RTCA: variants seen among roughly 807,000 people sequenced by gnomAD.
RTCA encodes the protein RNA 3'-terminal phosphate cyclase, also known as RNA terminal phosphate cyclase domain 1.
RTCA carries 37 observed loss-of-function variants against 46.1 expected under a neutral mutation model. That is an observed-to-expected ratio of 0.80 (90% CI 0.62 to 1.06). The LOEUF is 1.06. Among genes scored for constraint, RTCA ranks in the 50% least tolerant of loss-of-function variants. RTCA has a pLI of 0.00. For synonymous variants in RTCA, 164 were observed against 158.3 expected (o/e 1.04, Z -0.27); for missense variants, 435 against 455.5 (o/e 0.95, Z 0.41).
intron 9 of RTCA, among the ~76,000 whole-genome samples, chr1:100,286,699 T>G (rs1667051474): frequency 6.6e-6 from 1 of 152,160 alleles, no homozygotes; most frequent in African/African-American, 2.4e-5. Flanking sequence ...CTCCTCCTCC[T>G]TGCCCAGGTC....
rs1666454013 is a variant in RTCA, at chr1:100,277,378, G to A, written c.799+62G>A. The A allele has an allele frequency of 8.7e-6, 12 of 1,386,106 alleles. 1 individual carries two copies. The South Asian group carries it at 1.6e-4, about 19-fold the overall frequency. The allele number at this position is 1,386,106 out of a possible 1,614,324, so 85.9% of individuals were successfully genotyped here. On this transcript the variant is annotated intron_variant, in intron 8 of 10. Coordinates refer to ENST00000370128, the MANE Select transcript of RTCA (RefSeq NM_003729.4). ...TACTGCAGAATTCTTTAATCCATCA[G>A]GATTGGAATGTTATAGAATGATGGA...
chr1:100,280,454 C>T (rs1666646700), intron 8 of RTCA, among the ~76,000 whole-genome samples: 1 of 152,116 alleles, frequency 6.6e-6, no homozygotes, highest in Non-Finnish European at 1.5e-5. Flanking sequence ...GTACACAGTA[C>T]TTATTTTTAG....
At chr1:100,290,249 A>G (rs533421222) in intron 10 of RTCA, among the ~76,000 whole-genome samples, 197 of 152,088 alleles carry the variant, frequency 1.3e-3, no homozygotes, top group African/African-American at 4.7e-3. Flanking sequence ...CACAAACTTA[A>G]CCTATTTAAT....
chr1:100,287,240 A>G, intron 10 of RTCA, 37 bp downstream of exon 10: 1 of 1,468,050 alleles, frequency 6.8e-7, no homozygotes, highest in East Asian at 2.5e-5. Context: ...TGATATTTTG[A>G]TTTTTATTTT....
At chr1:100,289,061 C>T (rs897725775) in intron 10 of RTCA, among the ~76,000 whole-genome samples, 9 of 151,698 alleles carry the variant, frequency 5.9e-5, no homozygotes, top group Admixed American at 1.3e-4. Flanking sequence ...TGGCCTTACG[C>T]GATCTGCCTG....
At chr1:100,277,800 T>TG (rs1316815725) in intron 8 of RTCA, among the ~76,000 whole-genome samples, 1 of 150,804 alleles carries the variant, frequency 6.6e-6, no homozygotes, top group African/African-American at 2.4e-5. Flanking sequence ...AATTTTTTTT[T>TG]TTGGGGGGGG....
At chr1:100,289,060 G>A (rs1036178411) in intron 10 of RTCA, among the ~76,000 whole-genome samples, 4 of 151,894 alleles carry the variant, frequency 2.6e-5, no homozygotes, top group South Asian at 2.1e-4. Context: ...CTGGCCTTAC[G>A]CGATCTGCCT....
At chr1:100,283,922 T>TAAAAAAAAAAA (rs562483681) in intron 8 of RTCA, among the ~76,000 whole-genome samples, 4 of 11,382 alleles carry the variant, frequency 3.5e-4, no homozygotes, top group Non-Finnish European at 5.1e-4. Flanking sequence ...ACCTAGTCGC[T>TAAAAAAAAAAA]AAAAAAAAAA....
intron 4 of RTCA, among the ~76,000 whole-genome samples, chr1:100,273,095 T>A (rs1463471501): frequency 6.6e-6 from 1 of 152,216 alleles, no homozygotes; most frequent in East Asian, 1.9e-4. Flanking sequence ...TATATTGAGA[T>A]GCGTGAGGAA....
chr1:100,285,389 C>A lies in RTCA; in HGVS notation c.894+67C>A, dbSNP rs1666967013. The A allele has an allele frequency of 3.8e-6, 4 of 1,049,132 alleles. No individual in the cohort carries two copies. In the East Asian group the frequency reaches 9.8e-5, roughly 26 times the overall value. 65.0% of individuals were successfully genotyped at this position (1,049,132 alleles called of 1,614,324 possible). ...TTTGAATATGTGGTAGATTGAATATCAATTTAAATAATTGACTTTCAGACA... is the reference window on the plus strand; with the variant it reads ...TTTGAATATGTGGTAGATTGAATATAAATTTAAATAATTGACTTTCAGACA... On this transcript the variant is annotated intron_variant, in intron 9 of 10. Transcript: ENST00000370128.
intron 9 of RTCA, 142 bp from the exon 10 acceptor site, chr1:100,286,953 CTGAG>C (rs2100814286): frequency 1.8e-6 from 1 of 554,808 alleles, no homozygotes; most frequent in African/African-American, 2.0e-5. Flanking sequence ...CTGTCATCTT[CTGAG>C]TATGTCTGGA....
intron 2 of RTCA, chr1:100,267,645 G>A (rs1665862168): frequency 9.7e-7 from 1 of 1,029,910 alleles, no homozygotes; most frequent in Non-Finnish European, 1.2e-6. Flanking sequence ...GTCTCTGTAT[G>A]TTCTAGTTTT....
chr1:100,270,815 C>CTTT, intron 4 of RTCA, 135 bp downstream of exon 4: 5 of 902,184 alleles, frequency 5.5e-6, no homozygotes, highest in East Asian at 3.1e-5. Context: ...TTCTTTCTTT[C>CTTT]TTTTTTTTTT....
intron 8 of RTCA, among the ~76,000 whole-genome samples, chr1:100,283,142 A>G (rs943211436): frequency 3.6e-5 from 5 of 137,230 alleles, no homozygotes; most frequent in South Asian, 2.4e-4. Context: ...CTATCTCATT[A>G]TGTATATCCA....
At chr1:100,268,361 G>A (rs1057198537) in intron 3 of RTCA, 66 bp downstream of exon 3, 32 of 1,334,870 alleles carry the variant, frequency 2.4e-5, no homozygotes, top group Non-Finnish European at 3.2e-5. Context: ...CACTTTCTGG[G>A]CAAGTTGCTT....
chr1:100,272,103 C>T (rs1297651588), intron 4 of RTCA, among the ~76,000 whole-genome samples: 1 of 152,120 alleles, frequency 6.6e-6, no homozygotes, highest in African/African-American at 2.4e-5. Flanking sequence ...CAGATTTTGG[C>T]AATTATAAAT....
chr1:100,288,738 T>TA (rs1180913795), intron 10 of RTCA, among the ~76,000 whole-genome samples: 4 of 152,176 alleles, frequency 2.6e-5, no homozygotes, highest in Non-Finnish European at 4.4e-5. Context: ...TATATTAATT[T>TA]AAAAAATTAA....
chr1:100,267,317 C>A, intron 2 of RTCA: 1 of 534,636 alleles, frequency 1.9e-6, no homozygotes, highest in Non-Finnish European at 3.0e-6. Flanking sequence ...TTTGAAATTA[C>A]CAAAAGGCAA....
chr1:100,273,313 A>C, intron 4 of RTCA, 81 bp from the exon 5 acceptor site: 566 of 743,736 alleles, frequency 7.6e-4, no homozygotes, highest in Non-Finnish European at 9.0e-4. Context: ...CTAGCCAGCA[A>C]AGCGCTTTTG....
Sources: allele counts gnomAD v4.1 joint callset (sites outside exome capture counted in the v4.1 genomes callset), GRCh38; gene constraint gnomAD v4.1.1; transcripts MANE v1.5; gene names NCBI Gene and HGNC (gene_info 2026-07-23, HGNC 2026-07-21).